Variants in FER observed in about 807,000 individuals in gnomAD.
FER encodes the protein FER tyrosine kinase.
Under a neutral mutation model 111.0 loss-of-function variants are expected in FER, and 63 were observed. The observed-to-expected ratio is 0.57, with a 90% CI of 0.46 to 0.70. The LOEUF is 0.70. FER is among the 30% of genes least tolerant of loss of function. The probability of loss-of-function intolerance (pLI) is 0.00; values close to 1 mark genes in which losing one functional copy is unlikely to be tolerated. For missense variants in FER, 914 were observed against 954.0 expected (o/e 0.96, Z 0.55); for synonymous variants, 327 against 313.9 (o/e 1.04, Z -0.44).
intron 16 of FER, among the ~76,000 whole-genome samples, chr5:109,058,367 G>T (rs1773908314): frequency 6.6e-6 from 1 of 151,986 alleles, no homozygotes; most frequent in African/African-American, 2.4e-5. Context: ...GTGCAATAAA[G>T]AAGAAAAAAG....
chr5:109,093,588 G>A (rs1747098135), intron 16 of FER, among the ~76,000 whole-genome samples: 1 of 151,592 alleles, frequency 6.6e-6, no homozygotes, highest in South Asian at 2.1e-4. Context: ...CATTGTTTTG[G>A]GGATCTTAAT....
Position 109,001,961 on chromosome 5 carries a change from T to G in FER, c.1657-35461T>G, listed in dbSNP as rs553888163. Among the ~76,000 whole-genome samples, 222 of 152,066 alleles carry G rather than the reference T, an allele frequency of 1.5e-3. 2 individuals are homozygous for G. The highest frequency in any genetic ancestry group is 4.8e-3 in the African/African-American group (201 of 41,490). ...AGGAGAACTACAAACCACTGCTCAA[T>G]GAAATAAAAGAGGATACAAACAAAT... is the stretch of plus-strand genomic sequence containing the variant. On this transcript the variant is annotated intron_variant, in intron 13 of 19. Transcript: ENST00000281092.
intron 5 of FER, among the ~76,000 whole-genome samples, chr5:108,851,499 C>CTA (rs528277705): frequency 1.4e-3 from 210 of 152,166 alleles, no homozygotes; most frequent in African/African-American, 4.5e-3. Flanking sequence ...TCATCTTCAC[C>CTA]TATATATATA....
At chr5:109,053,306 C>G (rs892088330) in intron 16 of FER, among the ~76,000 whole-genome samples, 1 of 150,738 alleles carries the variant, frequency 6.6e-6, no homozygotes, top group Non-Finnish European at 1.5e-5. Context: ...TCGCTTGAAC[C>G]CAGAAGGCAG....
chr5:108,993,606 AGGGAGAGGGCAAGGGCGAGGGCGAGGGT>A (rs1441415376), intron 13 of FER, among the ~76,000 whole-genome samples: 1,423 of 126,568 alleles, frequency 0.011, 20 homozygotes, highest in African/African-American at 0.037. Flanking sequence ...GGCGAGGGCG[AGGGAGAGGGCAAGGGCGAGGGCGAGGGT>A]GAGGGCGAGG....
intron 13 of FER, among the ~76,000 whole-genome samples, chr5:108,967,281 C>T (rs776048166): frequency 1.1e-4 from 17 of 152,150 alleles, no homozygotes; most frequent in Admixed American, 2.6e-4. Flanking sequence ...AGCAACAAAA[C>T]GGCTCTCAGC....
intron 1 of FER, among the ~76,000 whole-genome samples, chr5:108,762,513 A>G (rs888247007): frequency 5.9e-5 from 9 of 152,308 alleles, no homozygotes; most frequent in Non-Finnish European, 1.3e-4. Context: ...TATCCTTTTT[A>G]GACGTAAGAG....
At chr5:108,944,911 A>G (rs935320692) in intron 10 of FER, among the ~76,000 whole-genome samples, 1 of 151,812 alleles carries the variant, frequency 6.6e-6, no homozygotes, top group Non-Finnish European at 1.5e-5. Context: ...TTGTAACTTA[A>G]TATAAGGGAG....
rs1441523684 is a variant in FER at position 108,872,578 on chromosome 5, T to C, written c.923+366T>C. On this transcript the variant is annotated intron_variant, in intron 8 of 19. Coordinates refer to ENST00000281092, the MANE Select transcript of FER (RefSeq NM_005246.4). ...TTTACTGTTAGAGATAAGAGACTTATTGATGTCAGAGCACTTAGTACAAAA... is the reference window on the plus strand; with the variant it reads ...TTTACTGTTAGAGATAAGAGACTTACTGATGTCAGAGCACTTAGTACAAAA... 3.3e-5 allele frequency among the ~76,000 whole-genome samples: 5 copies of C among 152,126 alleles called. No individual in the cohort carries two copies. In the East Asian group the frequency reaches 7.7e-4, roughly 23 times the overall value.
intron 13 of FER, among the ~76,000 whole-genome samples, chr5:109,004,603 G>T (rs1338651963): frequency 6.6e-6 from 1 of 152,030 alleles, no homozygotes; most frequent in Admixed American, 6.6e-5. Context: ...GAACAGACAG[G>T]CCACAAAACA....
intron 5 of FER, among the ~76,000 whole-genome samples, chr5:108,848,181 A>G (rs1442185235): frequency 1.3e-5 from 2 of 152,148 alleles, no homozygotes; most frequent in Admixed American, 1.3e-4. Context: ...CATCTGACCT[A>G]TCTATATTCT....
intron 3 of FER, among the ~76,000 whole-genome samples, chr5:108,799,597 A>T (rs1337226527): frequency 1.3e-5 from 2 of 152,226 alleles, no homozygotes; most frequent in African/African-American, 4.8e-5. Context: ...TATTTAGGAC[A>T]AACATACATT....
chr5:108,780,191 A>G (rs6891194), intron 2 of FER, among the ~76,000 whole-genome samples: 66,262 of 151,942 alleles, frequency 0.44, 16,522 homozygotes, highest in African/African-American at 0.69. Context: ...CATCTCCAGT[A>G]CTTTTCTTTA....
intron 13 of FER, among the ~76,000 whole-genome samples, chr5:108,979,633 T>C (rs1220158364): frequency 6.6e-6 from 1 of 152,184 alleles, no homozygotes; most frequent in Non-Finnish European, 1.5e-5. Flanking sequence ...ATTCTAATCT[T>C]GTTCATACTT....
At chr5:108,836,839 A>T (rs6863046) in intron 5 of FER, among the ~76,000 whole-genome samples, 34,556 of 148,808 alleles carry the variant, frequency 0.23, 4,129 homozygotes, top group African/African-American at 0.28. Context: ...TCTCCCTTGG[A>T]CTCCCTGTTT....
At chr5:109,085,000 A>G (rs1414541753) in intron 16 of FER, among the ~76,000 whole-genome samples, 1 of 151,820 alleles carries the variant, frequency 6.6e-6, no homozygotes, top group Admixed American at 6.6e-5. Context: ...TAATTCTTAA[A>G]ATTGGATAGT....
chr5:109,031,042 TG>T (rs2149860740), intron 13 of FER, among the ~76,000 whole-genome samples: 1 of 152,232 alleles, frequency 6.6e-6, no homozygotes, highest in South Asian at 2.1e-4. Context: ...TTAGGCCAGC[TG>T]GGAAAGGGAG....
intron 9 of FER, among the ~76,000 whole-genome samples, chr5:108,890,925 G>A (rs146043429): frequency 5.1e-4 from 77 of 152,214 alleles, no homozygotes; most frequent in African/African-American, 1.8e-3. Context: ...GATCACAGTT[G>A]CTAATTGTAT....
intron 3 of FER, among the ~76,000 whole-genome samples, chr5:108,800,936 A>G (rs1416010768): frequency 6.6e-6 from 1 of 152,128 alleles, no homozygotes; most frequent in South Asian, 2.1e-4. Flanking sequence ...AGTCCCAGCT[A>G]CTTGGGAGGC....
Sources: gnomAD v4.1 joint callset for allele counts (sites outside exome capture counted in the v4.1 genomes callset) on GRCh38, gnomAD v4.1.1 for gene constraint, MANE v1.5 for transcripts, NCBI Gene and HGNC (gene_info 2026-07-23, HGNC 2026-07-21) for gene names.